The following NOSTRIN variants were observed in gnomAD, a reference collection of about 807,000 sequenced individuals.
NOSTRIN encodes the protein nitric oxide synthase trafficking, also known as BM247 homolog.
In NOSTRIN, 63 loss-of-function variants were observed where a neutral mutation model predicts 59.0. That is an observed-to-expected ratio of 1.07 (90% CI 0.87 to 1.32). NOSTRIN has a LOEUF of 1.32. NOSTRIN is among the 40% of genes most tolerant of loss of function. The pLI, the probability that NOSTRIN is intolerant of heterozygous loss-of-function variation, is 0.00. For missense variants in NOSTRIN, 512 were observed against 473.1 expected (o/e 1.08, Z -0.76); for synonymous variants, 200 against 165.4 (o/e 1.21, Z -1.61).
chr2:168,864,835 T>C lies in NOSTRIN; in HGVS notation c.1386T>C (p.Gly462=), dbSNP rs781699436. Reference sequence around the variant, plus strand: ...ATTTGTCTAACTGTATTTTCACAGGTGACATTGTGATTATACACGAGAAAA... The same window carrying C: ...ATTTGTCTAACTGTATTTTCACAGGCGACATTGTGATTATACACGAGAAAA... ...RQDDELNLEK[G]DIVIIHEKKE... Residue 462 remains glycine (G), a splice_region_variant and synonymous_variant, in exon 16 of 16, where the codon GGT becomes GGC. Transcript: ENST00000317647. 3 of 1,613,820 alleles carry C rather than the reference T, an allele frequency of 1.9e-6. No homozygotes were observed. In the South Asian group the frequency reaches 3.3e-5, roughly 18 times the overall value.
Position 168,864,834 on chromosome 2 carries a change from G to A in NOSTRIN, c.1385G>A (p.Gly462Asp), listed in dbSNP as rs371895459. 7 of 1,613,590 alleles carry A rather than the reference G, an allele frequency of 4.3e-6. No individual in the cohort carries two copies. In the African/African-American group the frequency reaches 8.0e-5, roughly 18 times the overall value. The part of the protein sequence containing the change: ...RQDDELNLEK[G>D]DIVIIHEKKE... ...CATTTGTCTAACTGTATTTTCACAG[G>A]TGACATTGTGATTATACACGAGAAA... The change falls in exon 16 of 16, where the codon GGT (glycine) becomes GAT (aspartate). Residue 462 changes from glycine to aspartate, a missense_variant and splice_region_variant. By Grantham distance (94) the Gly-to-Asp change is moderately conservative (BLOSUM62 -1). Transcript: ENST00000317647.
In NOSTRIN at chr2:168,863,626, G is replaced by C. The variant is rs1192720452; in HGVS notation, c.1385-1208G>C. ...TTAAAGTTGTCTAAGTTGTTGAATGGGGAGTTACATTTTGAATGGGGAGTT... is the reference window on the plus strand; with the variant it reads ...TTAAAGTTGTCTAAGTTGTTGAATGCGGAGTTACATTTTGAATGGGGAGTT... On this transcript the variant is annotated intron_variant, in intron 15 of 15. Coordinates refer to ENST00000317647, the MANE Select transcript of NOSTRIN (RefSeq NM_001039724.4). 4.1e-6 allele frequency: 4 copies of C among 984,206 alleles called. No homozygotes were observed. In the South Asian group the frequency reaches 1.9e-4, roughly 46 times the overall value. The allele number at this position is 984,206 out of a possible 1,614,324, so 61.0% of individuals were successfully genotyped here.
At chr2:168,810,985 T>C (rs498231) in intron 1 of NOSTRIN, among the ~76,000 whole-genome samples, 63,999 of 152,048 alleles carry the variant, frequency 0.42, 13,891 homozygotes, top group South Asian at 0.6. Flanking sequence ...TAAAGGGTAA[T>C]TAATAAATTT....
chr2:168,843,087 A>T lies in NOSTRIN; in HGVS notation c.600A>T (p.Lys200Asn), dbSNP rs1688196740. The change falls in exon 8 of 16, where the codon AAA becomes AAT. Residue 200 changes from lysine to asparagine, a missense_variant. Lys to Asn is a moderately conservative substitution (Grantham distance 94). Transcript: ENST00000317647. ...TGGCGGGTTATTCTACCAGACTGAA[A>T]TGGGAAAACACACTAGAGAACTGCT... The part of the protein sequence containing the change: ...KNMAGYSTRL[K>N]WENTLENCYQ... 1 of 872,710 alleles carries T rather than the reference A, an allele frequency of 1.1e-6. No individual in the cohort carries two copies. Among genetic ancestry groups the T allele is most frequent in the Non-Finnish European group, 2.0e-6 (1 of 501,564 alleles). The allele number at this position is 872,710 out of a possible 1,614,324, so 54.1% of individuals were successfully genotyped here. A position where few individuals can be genotyped will look rare whatever the true frequency, so the allele number is the denominator to read the frequency against.
At position 168,812,314 on chromosome 2, in the gene NOSTRIN, T is replaced by C. The variant is rs546941594; in HGVS notation, c.113+662T>C. On this transcript the variant is annotated intron_variant, in intron 2 of 15. Coordinates refer to ENST00000317647, the MANE Select transcript of NOSTRIN (RefSeq NM_001039724.4). Reference sequence around the variant, plus strand: ...GTAATAAGCAACTCTAAAGAGACCTTCAGAAGACTGTTAAAACCATTTCAA... The same window carrying C: ...GTAATAAGCAACTCTAAAGAGACCTCCAGAAGACTGTTAAAACCATTTCAA... Among the ~76,000 whole-genome samples, 144 of 152,298 alleles carry C rather than the reference T, an allele frequency of 9.5e-4. 1 individual carries two copies. Among genetic ancestry groups the C allele is most frequent in the African/African-American group, 3.3e-3 (137 of 41,572 alleles).
intron 12 of NOSTRIN, 46 bp from the exon 13 acceptor site, chr2:168,859,466 T>G: frequency 6.2e-7 from 1 of 1,607,494 alleles, no homozygotes; most frequent in Non-Finnish European, 8.5e-7. Context: ...CAGTTGTGCC[T>G]CATTTACTAG....
At position 168,802,704 on chromosome 2, in the gene NOSTRIN, C is replaced by T. The variant is rs202204045; in HGVS notation, c.27+31C>T. The T allele has an allele frequency of 1.4e-3, 1,171 of 866,468 alleles. 8 individuals carry two copies. The highest frequency in any genetic ancestry group is 1.8e-3 in the Non-Finnish European group (906 of 499,414). 53.7% of individuals were successfully genotyped at this position (866,468 alleles called of 1,614,324 possible). A position where few individuals can be genotyped will look rare whatever the true frequency, so the allele number is the denominator to read the frequency against. On this transcript the variant is annotated intron_variant, in intron 1 of 15. Coordinates refer to ENST00000317647, the MANE Select transcript of NOSTRIN (RefSeq NM_001039724.4). ...TAGCTCAGTGTGGTTTGTGTGCCTG[C>T]GTGTGAGGAGGGTGGAGGGTGGATT...
intron 1 of NOSTRIN, among the ~76,000 whole-genome samples, chr2:168,810,360 T>A (rs1686068105): frequency 6.6e-6 from 1 of 152,192 alleles, no homozygotes. Context: ...GTTTGTTCCA[T>A]CCCCAAAGGT....
intron 1 of NOSTRIN, 92 bp downstream of exon 1, chr2:168,802,765 A>G (rs1685660778): frequency 1.2e-6 from 1 of 816,042 alleles, no homozygotes; most frequent in African/African-American, 1.6e-5. Context: ...GAAATTTGAG[A>G]CACTCAGAAA....
upstream of NOSTRIN, among the ~76,000 whole-genome samples, chr2:168,801,856 A>G (rs1685623144): frequency 6.6e-6 from 1 of 152,190 alleles, no homozygotes; most frequent in South Asian, 2.1e-4. Context: ...ATGAGGCCAG[A>G]TCTAGGCAAT....
At chr2:168,857,966 G>C (rs548744360) in intron 12 of NOSTRIN, among the ~76,000 whole-genome samples, 1 of 152,184 alleles carries the variant, frequency 6.6e-6, no homozygotes, top group Admixed American at 6.5e-5. Context: ...AAAGAAAATA[G>C]CCTGCATTGT....
intron 8 of NOSTRIN, among the ~76,000 whole-genome samples, chr2:168,844,738 C>T (rs1180011449): frequency 4.6e-5 from 7 of 152,022 alleles, no homozygotes; most frequent in South Asian, 4.2e-4. Flanking sequence ...CGCGTGGTGG[C>T]GGGCGCCTGT....
chr2:168,858,816 AG>A (rs1236333416), intron 12 of NOSTRIN, among the ~76,000 whole-genome samples: 1 of 152,130 alleles, frequency 6.6e-6, no homozygotes, highest in Admixed American at 6.6e-5. Context: ...AATGGTGAGG[AG>A]GGGGCTGGAT....
chr2:168,805,244 A>G (rs1685787882), intron 1 of NOSTRIN, among the ~76,000 whole-genome samples: 1 of 152,214 alleles, frequency 6.6e-6, no homozygotes, highest in African/African-American at 2.4e-5. Context: ...TTTGAGTTCA[A>G]ATTGTTGCCA....
intron 1 of NOSTRIN, among the ~76,000 whole-genome samples, chr2:168,809,945 T>C (rs959632992): frequency 2.0e-5 from 3 of 152,108 alleles, no homozygotes; most frequent in Non-Finnish European, 4.4e-5. Context: ...GAGAGGTTTT[T>C]AATTTGTGAA....
chr2:168,830,317 A>G (rs1687291919), intron 5 of NOSTRIN, among the ~76,000 whole-genome samples: 1 of 152,064 alleles, frequency 6.6e-6, no homozygotes, highest in Non-Finnish European at 1.5e-5. Flanking sequence ...TCTTTTCTGC[A>G]TTGCCCCTCT....
At chr2:168,798,456 T>A (rs920923640), upstream of NOSTRIN, among the ~76,000 whole-genome samples, 1 of 152,146 alleles carries the variant, frequency 6.6e-6, no homozygotes, top group African/African-American at 2.4e-5. Flanking sequence ...TGTTGTTAAC[T>A]CCCCTTAGAG....
chr2:168,841,005 A>G, intron 7 of NOSTRIN, among the ~76,000 whole-genome samples: 1 of 151,976 alleles, frequency 6.6e-6, no homozygotes, highest in Non-Finnish European at 1.5e-5. Context: ...ATGATCCTAA[A>G]ATTTTGGGAG....
At chr2:168,863,313 G>A (rs1457244577) in intron 15 of NOSTRIN, 2 of 727,916 alleles carry the variant, frequency 2.7e-6, no homozygotes, top group East Asian at 2.7e-4. Flanking sequence ...TTTAAGAATA[G>A]TGATTTATGA....
Sources: allele counts gnomAD v4.1 joint callset (sites outside exome capture counted in the v4.1 genomes callset), GRCh38; gene constraint gnomAD v4.1.1; transcripts MANE v1.5; gene names NCBI Gene and HGNC (gene_info 2026-07-23, HGNC 2026-07-21).